Variants in FMO1 observed in about 807,000 individuals in gnomAD.
FMO1 encodes flavin-containing monooxygenase 1.
FMO1 carries 36 observed loss-of-function variants against 45.4 expected under a neutral mutation model. The observed-to-expected ratio is 0.79, with a 90% CI of 0.61 to 1.05. The LOEUF is 1.05. FMO1 is among the 50% of genes least tolerant of loss of function. The probability of loss-of-function intolerance (pLI) is 0.00; values close to 1 mark genes in which losing one functional copy is unlikely to be tolerated. For missense variants in FMO1, 615 were observed against 640.3 expected, an observed-to-expected ratio of 0.96 and a Z score of 0.43; for synonymous variants, 228 against 227.2, an observed-to-expected ratio of 1.00 and a Z score of -0.03.
At chr1:171,275,059 A>G (rs1423308327) in intron 3 of FMO1, among the ~76,000 whole-genome samples, 2 of 152,250 alleles carry the variant, frequency 1.3e-5, no homozygotes, top group East Asian at 3.8e-4. Context: ...AAAAGGCATC[A>G]GAAACTTAGG....
Position 171,282,191 on chromosome 1 carries a change from T to C in FMO1, c.1041T>C (p.Asp347=), listed in dbSNP as rs1003427066. The change falls in exon 7 of 9, where the codon GAT becomes GAC. Residue 347 remains aspartate, a synonymous_variant. Coordinates refer to ENST00000617670, the MANE Select transcript of FMO1 (RefSeq NM_001282693.2). ...ATGAGTCTGTAGTGAAAGTTGAAGA[T>C]GGCCAGGCCTCACTGTACAAGTATA... ...FLDESVVKVE[D]GQASLYKYIF... is the part of the protein sequence containing the mutation. The C allele has an allele frequency of 2.5e-6, 4 of 1,614,060 alleles. No individual in the cohort carries two copies. Among genetic ancestry groups the C allele is most frequent in the East Asian group, 2.2e-5 (1 of 44,882 alleles).
At chr1:171,267,521 T>G (rs746033149) in intron 2 of FMO1, 22 bp from the exon 3 acceptor site, 6 of 1,553,776 alleles carry the variant, frequency 3.9e-6, no homozygotes, top group Non-Finnish European at 5.2e-6. Flanking sequence ...TGAATGTTCA[T>G]GTGTGTGCAC....
intron 1 of FMO1, among the ~76,000 whole-genome samples, chr1:171,254,679 A>G (rs11808714): frequency 6.6e-6 from 1 of 152,174 alleles, no homozygotes; most frequent in South Asian, 2.1e-4. Context: ...CTGTGGGGTC[A>G]GGCAGCTTCT....
At chr1:171,259,885 C>A (rs1411849534) in intron 2 of FMO1, among the ~76,000 whole-genome samples, 1 of 152,146 alleles carries the variant, frequency 6.6e-6, no homozygotes, top group African/African-American at 2.4e-5. Context: ...GAGGATTCAC[C>A]CTGCCCTCAG....
intron 3 of FMO1, among the ~76,000 whole-genome samples, chr1:171,273,651 C>T (rs1660968958): frequency 6.6e-6 from 1 of 152,056 alleles, no homozygotes; most frequent in Non-Finnish European, 1.5e-5. Context: ...ATAGCTGGGA[C>T]TATAGGCACA....
chr1:171,271,084 T>G, intron 3 of FMO1: 1 of 931,962 alleles, frequency 1.1e-6, no homozygotes, highest in Non-Finnish European at 1.7e-6. Context: ...TTTTGCTGCA[T>G]CAGGCTTCCC....
At chr1:171,268,906 G>A (rs529348301) in intron 3 of FMO1, among the ~76,000 whole-genome samples, 80 of 152,286 alleles carry the variant, frequency 5.3e-4, no homozygotes, top group Non-Finnish European at 9.4e-4. Context: ...TGAACCATGG[G>A]GGCAGGTCTT....
chr1:171,276,520 C>T (rs1314569131), intron 4 of FMO1, among the ~76,000 whole-genome samples: 1 of 152,180 alleles, frequency 6.6e-6, no homozygotes, highest in Admixed American at 6.5e-5. Flanking sequence ...CTCTGAGCAG[C>T]CATCCACTCC....
At chr1:171,274,434 G>A (rs1305429725) in intron 3 of FMO1, among the ~76,000 whole-genome samples, 1 of 151,424 alleles carries the variant, frequency 6.6e-6, no homozygotes, top group African/African-American at 2.4e-5. Flanking sequence ...GTAATTTTTT[G>A]TATTTTTTTT....
At chr1:171,266,473 C>G (rs550020307) in intron 2 of FMO1, among the ~76,000 whole-genome samples, 1 of 152,274 alleles carries the variant, frequency 6.6e-6, no homozygotes, top group South Asian at 2.1e-4. Context: ...GTCTGTGTGA[C>G]AGGTGGGCCA....
At chr1:171,262,691 T>G (rs1660425018) in intron 2 of FMO1, among the ~76,000 whole-genome samples, 1 of 152,260 alleles carries the variant, frequency 6.6e-6, no homozygotes, top group African/African-American at 2.4e-5. Context: ...ATTAAAAGCC[T>G]TATTTCTAAA....
At chr1:171,263,079 G>A (rs1031273796) in intron 2 of FMO1, among the ~76,000 whole-genome samples, 5 of 152,116 alleles carry the variant, frequency 3.3e-5, no homozygotes, top group African/African-American at 1.2e-4. Flanking sequence ...GAAAAGAACT[G>A]ACCTGACAAA....
chr1:171,253,399 G>C (rs966017431), intron 1 of FMO1, among the ~76,000 whole-genome samples: 2 of 152,136 alleles, frequency 1.3e-5, no homozygotes, highest in African/African-American at 4.8e-5. Flanking sequence ...AGGCATGGTG[G>C]CTCATGGCTA....
chr1:171,285,428 A>G lies in FMO1; in HGVS notation c.1483A>G (p.Thr495Ala), dbSNP rs777231293. ...TGCCATCATGACCCAGTGGGACCGA[A>G]CATTCAAGGTCATCAAAGCTCGAGT... ...RNAIMTQWDR[T>A]FKVIKARVVQ... Residue 495 changes from threonine to alanine, a missense_variant, in exon 9 of 9, where the codon ACA becomes GCA. Physicochemically the swap from Thr to Ala is moderately conservative, Grantham distance 58. Coordinates refer to ENST00000617670, the MANE Select transcript of FMO1 (RefSeq NM_001282693.2). 3.4e-5 allele frequency: 55 copies of G among 1,608,796 alleles called. No individual in the cohort carries two copies. The East Asian group carries it at 1.2e-3, about 35-fold the overall frequency.
chr1:171,270,272 T>C (rs1660794516), intron 3 of FMO1, among the ~76,000 whole-genome samples: 1 of 152,222 alleles, frequency 6.6e-6, no homozygotes, highest in Non-Finnish European at 1.5e-5. Context: ...TATGTGAAAT[T>C]TCTTAACTGA....
rs1661585163 is a variant in FMO1, at chr1:171,285,388, G to C, written c.1443G>C (p.Trp481Cys). The change falls in exon 9 of 9, where the codon TGG becomes TGC. Residue 481 changes from tryptophan to cysteine, a missense_variant. Physicochemically the swap from Trp to Cys is radical, Grantham distance 215. Coordinates refer to ENST00000617670, the MANE Select transcript of FMO1 (RefSeq NM_001282693.2). Reference protein sequence around the residue: ...YQFRLTGPGKWEGARNAIMTQ... With the variant: ...YQFRLTGPGKCEGARNAIMTQ... ...TCCGCTTGACTGGCCCAGGAAAATG[G>C]GAAGGAGCCAGAAATGCCATCATGA... 6.2e-7 allele frequency: 1 copy of C among 1,613,736 alleles called. No homozygotes were observed. The highest frequency in any genetic ancestry group is 8.5e-7 in the Non-Finnish European group (1 of 1,179,884).
At chr1:171,259,018 CAG>C (rs1660280281) in intron 2 of FMO1, among the ~76,000 whole-genome samples, 1 of 152,164 alleles carries the variant, frequency 6.6e-6, no homozygotes, top group African/African-American at 2.4e-5. Context: ...CAAATCTTTC[CAG>C]AGTTTCTATT....
rs563699945 is a variant in FMO1, at chr1:171,252,117, G to A, written c.-7+3494G>A. The stretch of plus-strand genomic sequence containing the variant: ...TTTAGTTTAAATAAAAAGTGGCGTG[G>A]GGAGACAAAACTTTTTCTGAAGAAG... On this transcript the variant is annotated intron_variant, in intron 1 of 8. Transcript: ENST00000617670. Among the ~76,000 whole-genome samples the A allele has an allele frequency of 3.9e-5, 6 of 152,120 alleles. No individual in the cohort carries two copies. The South Asian group carries it at 1.2e-3, about 32-fold the overall frequency.
chr1:171,281,427 T>C (rs763957711), intron 6 of FMO1, among the ~76,000 whole-genome samples: 2 of 152,196 alleles, frequency 1.3e-5, no homozygotes, highest in Non-Finnish European at 2.9e-5. Flanking sequence ...ATCTCTCTAA[T>C]GGTAGAGCCT....
Sources: gnomAD v4.1 joint callset for allele counts (sites outside exome capture counted in the v4.1 genomes callset) on GRCh38, gnomAD v4.1.1 for gene constraint, MANE v1.5 for transcripts, NCBI Gene and HGNC (gene_info 2026-07-23, HGNC 2026-07-21) for gene names.